KIAA2012: variants seen among roughly 807,000 people sequenced by gnomAD.
The protein encoded by KIAA2012 is uncharacterized protein KIAA2012.
KIAA2012 carries 125 observed loss-of-function variants against 150.6 expected under a neutral mutation model. The ratio of observed to expected loss-of-function variants is 0.83; its 90% CI spans 0.72 to 0.96. The LOEUF is 0.96. Ranked by LOEUF, KIAA2012 falls within the 40% of genes least tolerant of loss-of-function variation. The pLI is 0.00. For synonymous variants in KIAA2012, 462 were observed against 504.7 expected, an observed-to-expected ratio of 0.92 and a Z score of 1.13; for missense variants, 1,219 against 1,354.9, an observed-to-expected ratio of 0.90 and a Z score of 1.57.
chr2:202,163,664 AAAG>A (rs1042477423), intron 14 of KIAA2012, among the ~76,000 whole-genome samples: 83 of 152,284 alleles, frequency 5.5e-4, no homozygotes, highest in African/African-American at 1.9e-3. Flanking sequence ...AATTCTTCCA[AAAG>A]AAGAAGCTTG....
At chr2:202,137,150 A>G (rs1050374105) in intron 12 of KIAA2012, 1 of 152,236 alleles carries the variant, frequency 6.6e-6, no homozygotes, top group Non-Finnish European at 1.5e-5. Context: ...ACAGAGTCAT[A>G]TATGGCCATT....
intron 15 of KIAA2012, among the ~76,000 whole-genome samples, chr2:202,166,050 T>G (rs1271763016): frequency 5.3e-5 from 8 of 152,180 alleles, no homozygotes; most frequent in Non-Finnish European, 8.8e-5. Context: ...ATGCAGAATG[T>G]GAACACTGAC....
At chr2:202,123,411 C>T (rs1240043661) in intron 11 of KIAA2012, among the ~76,000 whole-genome samples, 1 of 152,180 alleles carries the variant, frequency 6.6e-6, no homozygotes, top group African/African-American at 2.4e-5. Context: ...GTTCTCATTT[C>T]CCATTCTCCA....
rs2105924009 is a variant in KIAA2012 at position 202,104,594 on chromosome 2, C to T, written c.1325-1167C>T. Reference sequence around the variant, plus strand: ...TGTCTAGTTTGAATAATTCAGCCAGCTCTGCAGCATAGGGGCTATCCCTTG... The same window carrying T: ...TGTCTAGTTTGAATAATTCAGCCAGTTCTGCAGCATAGGGGCTATCCCTTG... On this transcript the variant is annotated intron_variant, in intron 8 of 23. Coordinates refer to ENST00000498697, the MANE Select transcript of KIAA2012 (RefSeq NM_001277372.4). This position sits in a 1 kb window ranked among gnomAD's most constrained non-coding sequence, Gnocchi z 4.3. Among the ~76,000 whole-genome samples the T allele has an allele frequency of 6.6e-6, 1 of 152,364 alleles. No individual in the cohort carries two copies. The highest frequency in any genetic ancestry group is 1.9e-4 in the East Asian group (1 of 5,190).
chr2:202,187,034 G>T lies in KIAA2012; in HGVS notation c.2312G>T (p.Arg771Ile). 2 of 1,550,560 alleles carry T rather than the reference G, an allele frequency of 1.3e-6. No homozygotes were observed. Among genetic ancestry groups the T allele is most frequent in the Non-Finnish European group, 1.7e-6 (2 of 1,146,988 alleles). The change falls in exon 17 of 24, where the codon AGA becomes ATA. Residue 771 changes from arginine (R) to isoleucine (I), a missense_variant. Transcript: ENST00000498697. ...GCTGTGTATACATCTCTTCTTCCAAGAGAAAGAGAAGGGAAGGCTGAACCA... is the reference window on the plus strand; with the variant it reads ...GCTGTGTATACATCTCTTCTTCCAATAGAAAGAGAAGGGAAGGCTGAACCA... Reference protein sequence around the residue: ...LSAVYTSLLPREREGKAEPRL... With the variant: ...LSAVYTSLLPIEREGKAEPRL...
At chr2:202,147,670 G>A (rs1032066531) in intron 13 of KIAA2012, among the ~76,000 whole-genome samples, 7 of 151,984 alleles carry the variant, frequency 4.6e-5, no homozygotes, top group Non-Finnish European at 1.0e-4. Context: ...AGTAAAAATC[G>A]ACTGATTTAA....
At chr2:202,084,749 G>A (rs563927404) in intron 2 of KIAA2012, among the ~76,000 whole-genome samples, 1 of 152,274 alleles carries the variant, frequency 6.6e-6, no homozygotes, top group African/African-American at 2.4e-5. Flanking sequence ...CATGAGAAGA[G>A]GGTGGGTGCC....
intron 3 of KIAA2012, 67 bp downstream of exon 3, chr2:202,090,996 T>A: frequency 6.8e-7 from 1 of 1,467,628 alleles, no homozygotes; most frequent in Non-Finnish European, 9.1e-7. Flanking sequence ...TGTGACAGTG[T>A]GTTTTCCATC....
chr2:202,198,548 T>TTC (rs1384411418), intron 22 of KIAA2012, among the ~76,000 whole-genome samples: 1 of 152,218 alleles, frequency 6.6e-6, no homozygotes, highest in Non-Finnish European at 1.5e-5. Flanking sequence ...TCCCCCTTTA[T>TTC]TCTCCTACAC....
rs1453845860 is a variant in KIAA2012, at chr2:202,075,087, G to T, written c.281G>T (p.Cys94Phe). Residue 94 changes from cysteine to phenylalanine, a missense_variant, in exon 2 of 24, where the codon TGC becomes TTC. Coordinates refer to ENST00000498697, the MANE Select transcript of KIAA2012 (RefSeq NM_001277372.4). ...AAAGAGAGGAGAAAAGGCCCCTACT[G>T]CCCCAGAGGTCCCTGGAGGAAGCTG... is the stretch of plus-strand genomic sequence containing the variant. ...TPKERRKGPY[C>F]PRGPWRKLDL... 10 of 1,550,520 alleles carry T rather than the reference G, an allele frequency of 6.4e-6. No homozygotes were observed. The highest frequency in any genetic ancestry group is 7.8e-6 in the Non-Finnish European group (9 of 1,146,984).
In KIAA2012 at chr2:202,188,251, G is replaced by A. The variant is rs752898245; in HGVS notation, c.2476G>A (p.Ala826Thr). ...SEREGKVYGQ[A>T]EAAIGKSKDS... ...GAGAGAAGGAAAGGTCTACGGGCAA[G>A]CAGAGGCTGCCATTGGTAAGAGAGT... The change falls in exon 18 of 24, where the codon GCA becomes ACA. Residue 826 changes from alanine to threonine, a missense_variant. Physicochemically the swap from Ala to Thr is moderately conservative, Grantham distance 58. Transcript: ENST00000498697. The A allele has an allele frequency of 1.3e-6, 2 of 1,549,800 alleles. No individual in the cohort carries two copies. The highest frequency in any genetic ancestry group is 1.2e-5 in the South Asian group (1 of 83,994).
intron 8 of KIAA2012, 30 bp downstream of exon 8, chr2:202,103,144 G>T: frequency 6.5e-7 from 1 of 1,544,608 alleles, no homozygotes. Flanking sequence ...GCACTCCTGA[G>T]GGAGAGCCTG....
chr2:202,094,926 A>T (rs1689826661), intron 4 of KIAA2012, among the ~76,000 whole-genome samples: 1 of 152,218 alleles, frequency 6.6e-6, no homozygotes, highest in African/African-American at 2.4e-5. Context: ...GGCAGAAAAC[A>T]AAGAGGCTGT....
At chr2:202,144,349 C>T (rs1164646676) in intron 13 of KIAA2012, among the ~76,000 whole-genome samples, 1 of 152,056 alleles carries the variant, frequency 6.6e-6, no homozygotes, top group Non-Finnish European at 1.5e-5. Context: ...TCTTATGTAT[C>T]CTAAGTGTAT....
chr2:202,132,999 G>A (rs1199613), intron 12 of KIAA2012, among the ~76,000 whole-genome samples: 2 of 142,082 alleles, frequency 1.4e-5, no homozygotes, highest in Non-Finnish European at 3.0e-5. Flanking sequence ...CAGCTACTCA[G>A]GAGGCTGAGG....
intron 12 of KIAA2012, chr2:202,126,013 G>A (rs924316115): frequency 5.9e-6 from 2 of 336,292 alleles, no homozygotes; most frequent in African/African-American, 5.0e-5. Flanking sequence ...GGAGTGCAAT[G>A]GCAAGGTCTT....
intron 10 of KIAA2012, among the ~76,000 whole-genome samples, chr2:202,111,923 C>T (rs964386377): frequency 2.0e-5 from 3 of 152,026 alleles, no homozygotes; most frequent in Non-Finnish European, 4.4e-5. Flanking sequence ...TAGCTGGTGG[C>T]CTGCTAGTCC....
intron 15 of KIAA2012, chr2:202,179,125 A>G (rs1692062279): frequency 4.6e-6 from 2 of 438,194 alleles, no homozygotes; most frequent in Non-Finnish European, 8.5e-6. Flanking sequence ...TTGTGTTTTG[A>G]GGTTGGTTTT....
intron 7 of KIAA2012, among the ~76,000 whole-genome samples, chr2:202,101,412 G>C (rs1410753563): frequency 6.6e-6 from 1 of 152,234 alleles, no homozygotes; most frequent in African/African-American, 2.4e-5. Flanking sequence ...GGAGTGAACA[G>C]CAGGCTTGAC....
Sources: gnomAD v4.1 joint callset for allele counts (sites outside exome capture counted in the v4.1 genomes callset) on GRCh38, gnomAD v4.1.1 for gene constraint, Gnocchi (gnomAD v3.1) non-coding constraint, MANE v1.5 for transcripts, NCBI Gene and HGNC (gene_info 2026-07-23, HGNC 2026-07-21) for gene names.